The following PRDM5 variants were observed in gnomAD, a reference collection of about 807,000 sequenced individuals.
The protein encoded by PRDM5 is PR domain zinc finger protein 5.
In PRDM5, 56 loss-of-function variants were observed where a neutral mutation model predicts 81.2. The ratio of observed to expected loss-of-function variants is 0.69; its 90% CI spans 0.56 to 0.86. The LOEUF (loss-of-function observed/expected upper bound fraction) is 0.86. Among genes scored for constraint, PRDM5 ranks in the 40% least tolerant of loss-of-function variants. The pLI is 0.00. For synonymous variants in PRDM5, 267 were observed against 256.4 expected, an observed-to-expected ratio of 1.04 and a Z score of -0.39; for missense variants, 697 against 770.1, an observed-to-expected ratio of 0.91 and a Z score of 1.12.
At chr4:120,706,816 G>T (rs1736238004) in intron 15 of PRDM5, among the ~76,000 whole-genome samples, 1 of 148,358 alleles carries the variant, frequency 6.7e-6, no homozygotes, top group Non-Finnish European at 1.5e-5. Flanking sequence ...CCAACAAACT[G>T]GTAACCATGA....
chr4:120,863,519 C>A, intron 2 of PRDM5, among the ~76,000 whole-genome samples: 1 of 151,990 alleles, frequency 6.6e-6, no homozygotes, highest in East Asian at 1.9e-4. Flanking sequence ...ATAGGAGAGG[C>A]AGAGGGTCAT....
chr4:120,859,909 G>C (rs1760373867), intron 2 of PRDM5, among the ~76,000 whole-genome samples: 1 of 152,054 alleles, frequency 6.6e-6, no homozygotes, highest in Admixed American at 6.6e-5. Flanking sequence ...ATCCTCATGG[G>C]TGCACACAAA....
intron 2 of PRDM5, among the ~76,000 whole-genome samples, chr4:120,866,596 T>C (rs756442413): frequency 2.6e-5 from 4 of 152,318 alleles, no homozygotes; most frequent in South Asian, 4.1e-4. Flanking sequence ...GTTTAACAGA[T>C]GAGCGAACTG....
intron 11 of PRDM5, 108 bp downstream of exon 11, chr4:120,784,890 A>C: frequency 1.1e-6 from 1 of 886,242 alleles, no homozygotes; most frequent in Non-Finnish European, 1.8e-6. Context: ...CAGTCAGATT[A>C]TATAAATACT....
intron 2 of PRDM5, among the ~76,000 whole-genome samples, chr4:120,892,576 C>A (rs571230102): frequency 1.0e-3 from 154 of 152,298 alleles, no homozygotes; most frequent in Non-Finnish European, 1.8e-3. Flanking sequence ...CCAGGTCAGC[C>A]CTACTCTGCT....
chr4:120,692,881 G>A lies in PRDM5; in HGVS notation c.*2230C>T, dbSNP rs1470925391. The stretch of plus-strand genomic sequence containing the variant: ...AGTGTCTTTTTTTGGTTATTACTAA[G>A]TAATTTAAAAGTTTTAGCAAGCAAA... On this transcript the variant is annotated 3_prime_UTR_variant, in exon 16 of 16. Transcript: ENST00000264808. 6.6e-6 allele frequency: 1 copy of A among 151,942 alleles called. No individual in the cohort carries two copies. The highest frequency in any genetic ancestry group is 1.5e-5 in the Non-Finnish European group (1 of 67,966). The allele number at this position is 151,942 out of a possible 1,614,324, so 9.4% of individuals were successfully genotyped here.
intron 14 of PRDM5, among the ~76,000 whole-genome samples, chr4:120,712,141 C>T (rs10023764): frequency 0.016 from 2,432 of 152,034 alleles, 69 homozygotes; most frequent in African/African-American, 0.053. Flanking sequence ...CAAAAGTTAG[C>T]TGGGCATGGT....
intron 2 of PRDM5, among the ~76,000 whole-genome samples, chr4:120,901,474 C>T (rs1765220257): frequency 6.6e-6 from 1 of 152,110 alleles, no homozygotes; most frequent in Admixed American, 6.6e-5. Flanking sequence ...GCATGTAAAA[C>T]TTTTTAAATG....
chr4:120,804,299 G>GA (rs138844594), intron 8 of PRDM5, among the ~76,000 whole-genome samples: 56,310 of 151,844 alleles, frequency 0.37, 10,597 homozygotes, highest in African/African-American at 0.43. Context: ...CAATGAGACA[G>GA]AAGTTAAAAA....
intron 13 of PRDM5, among the ~76,000 whole-genome samples, chr4:120,766,888 C>A (rs1419090144): frequency 6.6e-6 from 1 of 152,134 alleles, no homozygotes; most frequent in Non-Finnish European, 1.5e-5. Context: ...ATTCTAATTA[C>A]CAAACTGTGC....
chr4:120,901,638 T>C (rs1232369000), intron 2 of PRDM5, among the ~76,000 whole-genome samples: 1 of 152,236 alleles, frequency 6.6e-6, no homozygotes, highest in Non-Finnish European at 1.5e-5. Flanking sequence ...CTAATGTTCC[T>C]TGTGTTGAGA....
chr4:120,705,683 C>T (rs1299910239), intron 15 of PRDM5, among the ~76,000 whole-genome samples: 3 of 152,132 alleles, frequency 2.0e-5, no homozygotes, highest in African/African-American at 7.2e-5. Context: ...AAATGAGATG[C>T]ACAGTCATGG....
chr4:120,834,794 G>T (rs374212490), intron 3 of PRDM5, among the ~76,000 whole-genome samples: 1 of 152,144 alleles, frequency 6.6e-6, no homozygotes, highest in Non-Finnish European at 1.5e-5. Context: ...CCAAGCAAGA[G>T]AATTTCAACT....
chr4:120,886,612 C>G (rs573989056), intron 2 of PRDM5, among the ~76,000 whole-genome samples: 2 of 152,124 alleles, frequency 1.3e-5, no homozygotes, highest in African/African-American at 4.8e-5. Context: ...CTTTAAGTAA[C>G]TTATTTTTTA....
intron 10 of PRDM5, among the ~76,000 whole-genome samples, chr4:120,786,415 G>C (rs1018612715): frequency 1.3e-5 from 2 of 152,044 alleles, no homozygotes; most frequent in Non-Finnish European, 1.5e-5. Flanking sequence ...AAAACAAGTA[G>C]GTCTCTTGCA....
At chr4:120,706,404 G>A (rs1034988221) in intron 15 of PRDM5, among the ~76,000 whole-genome samples, 11 of 152,036 alleles carry the variant, frequency 7.2e-5, no homozygotes, top group Non-Finnish European at 1.2e-4. Context: ...CCAACATGAG[G>A]CTCAGATATG....
intron 2 of PRDM5, among the ~76,000 whole-genome samples, chr4:120,866,026 C>CA (rs1178092921): frequency 1.3e-5 from 2 of 152,224 alleles, no homozygotes; most frequent in African/African-American, 2.4e-5. Flanking sequence ...TATATCAACT[C>CA]AAAATCTATC....
intron 1 of PRDM5, among the ~76,000 whole-genome samples, chr4:120,921,435 T>C (rs897711090): frequency 3.3e-5 from 5 of 152,182 alleles, no homozygotes; most frequent in South Asian, 2.1e-4. Context: ...TGACTGGAGA[T>C]CATGTTGTCA....
chr4:120,861,012 T>C (rs1361341723), intron 2 of PRDM5, among the ~76,000 whole-genome samples: 2 of 152,178 alleles, frequency 1.3e-5, no homozygotes, highest in Non-Finnish European at 2.9e-5. Flanking sequence ...AGTTATCTCT[T>C]TGTTGTTGTT....
Sources: gnomAD v4.1 joint callset for allele counts (sites outside exome capture counted in the v4.1 genomes callset) on GRCh38, gnomAD v4.1.1 for gene constraint, MANE v1.5 for transcripts, NCBI Gene and HGNC (gene_info 2026-07-23, HGNC 2026-07-21) for gene names.